Variants in DFFB observed in about 807,000 individuals in gnomAD.
DFFB encodes the protein DNA fragmentation factor subunit beta, also known as DNA fragmentation factor 40 kDa subunit.
Under a neutral mutation model 32.7 loss-of-function variants are expected in DFFB, and 29 were observed. The observed-to-expected ratio is 0.89, with a 90% CI of 0.66 to 1.21. The LOEUF is 1.21. Among genes scored for constraint, DFFB ranks in the 50% most tolerant of loss-of-function variants. The pLI, the probability that DFFB is intolerant of heterozygous loss-of-function variation, is 0.00. For synonymous variants in DFFB, 170 were observed against 177.1 expected (o/e 0.96, Z 0.32); for missense variants, 398 against 440.6 (o/e 0.90, Z 0.87).
At chr1:3,880,807 G>A (rs761837073) in intron 6 of DFFB, among the ~76,000 whole-genome samples, 24 of 152,126 alleles carry the variant, frequency 1.6e-4, no homozygotes, top group African/African-American at 5.5e-4. Context: ...TCTGTGCTCC[G>A]GTGTGTCACG....
intron 5 of DFFB, among the ~76,000 whole-genome samples, chr1:3,871,883 G>T (rs1390726342): frequency 6.6e-6 from 1 of 152,172 alleles, no homozygotes. Flanking sequence ...CGTGCGGGGA[G>T]CAGGAACGAG....
intron 5 of DFFB, among the ~76,000 whole-genome samples, chr1:3,870,238 G>A (rs997356527): frequency 4.6e-5 from 7 of 152,196 alleles, no homozygotes; most frequent in African/African-American, 1.7e-4. Flanking sequence ...GGCGAGTCCT[G>A]GGCACACCCC....
intron 3 of DFFB, chr1:3,867,727 C>A: frequency 2.1e-6 from 1 of 480,468 alleles, no homozygotes; most frequent in Non-Finnish European, 3.8e-6. Flanking sequence ...GTAGTGCGTC[C>A]CTGTAGTCTT....
intron 6 of DFFB, among the ~76,000 whole-genome samples, chr1:3,882,319 G>A (rs1175828415): frequency 3.3e-5 from 5 of 151,906 alleles, no homozygotes; most frequent in Admixed American, 3.3e-4. Context: ...CTCTCAAAGT[G>A]TTAGAATTAC....
chr1:3,870,461 T>C (rs997325191), intron 5 of DFFB, among the ~76,000 whole-genome samples: 4 of 152,192 alleles, frequency 2.6e-5, no homozygotes, highest in African/African-American at 9.6e-5. Flanking sequence ...CCTTCTGGGG[T>C]GATGGGCTCT....
chr1:3,867,272 A>G (rs1645003451), intron 3 of DFFB, among the ~76,000 whole-genome samples: 1 of 152,186 alleles, frequency 6.6e-6, no homozygotes, highest in Non-Finnish European at 1.5e-5. Flanking sequence ...CACTGCGTGT[A>G]CATACCCCAC....
At chr1:3,883,450 C>G in intron 6 of DFFB, 57 bp from the exon 7 acceptor site, 1 of 1,502,986 alleles carries the variant, frequency 6.7e-7, no homozygotes, top group Non-Finnish European at 9.2e-7. Context: ...ACTGCTATGA[C>G]CTGTTGCCTG....
In DFFB at chr1:3,883,916, G is replaced by T. The variant is rs7555538; in HGVS notation, c.*175G>T. On this transcript the variant is annotated 3_prime_UTR_variant, in exon 7 of 7. Transcript: ENST00000378209. Reference sequence around the variant, plus strand: ...TTCATTACATTTCTGAATTGTTGGGGTTTTTTTTGTTGTTTTGTTTTGTTT... The same window carrying T: ...TTCATTACATTTCTGAATTGTTGGGTTTTTTTTTGTTGTTTTGTTTTGTTT... The T allele has an allele frequency of 0.41, 246,429 of 603,426 alleles. 51,303 individuals carry two copies. The highest frequency in any genetic ancestry group is 0.44 in the Non-Finnish European group (153,027 of 344,146). The allele number at this position is 603,426 out of a possible 1,614,324, so 37.4% of individuals were successfully genotyped here.
At chr1:3,873,027 C>A (rs931175637) in intron 6 of DFFB, 3 of 1,253,140 alleles carry the variant, frequency 2.4e-6, no homozygotes, top group African/African-American at 3.1e-5. Context: ...TGGAGTCTTG[C>A]TCTGTGGCCC....
intron 6 of DFFB, among the ~76,000 whole-genome samples, chr1:3,878,655 G>A (rs1645273779): frequency 6.6e-6 from 1 of 152,162 alleles, no homozygotes; most frequent in African/African-American, 2.4e-5. Context: ...TGTCCCTAAT[G>A]TTAGTGATAC....
intron 1 of DFFB, among the ~76,000 whole-genome samples, chr1:3,857,958 G>C (rs1005499481): frequency 1.5e-4 from 23 of 152,216 alleles, no homozygotes; most frequent in Non-Finnish European, 2.4e-4. Flanking sequence ...CTCTCGGGCA[G>C]GACAGCCCTG....
At chr1:3,859,005 C>G in intron 2 of DFFB, 161 bp downstream of exon 2, 2 of 1,028,308 alleles carry the variant, frequency 1.9e-6, no homozygotes, top group Admixed American at 3.0e-5. Context: ...GTCAGCGTCG[C>G]TTAGGTGGCA....
rs1325413692 is a variant in DFFB at position 3,865,190 on chromosome 1, C to T, written c.242-622C>T. Among the ~76,000 whole-genome samples the T allele has an allele frequency of 6.6e-6, 1 of 152,114 alleles. No individual in the cohort carries two copies. Among genetic ancestry groups the T allele is most frequent in the African/African-American group, 2.4e-5 (1 of 41,410 alleles). On this transcript the variant is annotated intron_variant, in intron 2 of 6. Coordinates refer to ENST00000378209, the MANE Select transcript of DFFB (RefSeq NM_004402.4). The surrounding 1 kb of genome is among the most constrained non-coding windows in gnomAD (Gnocchi z 4.7). Reference sequence around the variant, plus strand: ...AGGACTTCCACCAAGTCCTCACTCCCCAGCATGTCCTCCTGTCTTCTTCTG... The same window carrying T: ...AGGACTTCCACCAAGTCCTCACTCCTCAGCATGTCCTCCTGTCTTCTTCTG...
intron 2 of DFFB, among the ~76,000 whole-genome samples, chr1:3,862,406 G>A (rs1013200147): frequency 8.6e-5 from 13 of 151,196 alleles, no homozygotes; most frequent in African/African-American, 3.1e-4. Flanking sequence ...ACCCAGAATA[G>A]CCAAAACGAC....
At chr1:3,860,361 G>A in intron 2 of DFFB, 1 of 354,752 alleles carries the variant, frequency 2.8e-6, no homozygotes, top group South Asian at 2.1e-5. Flanking sequence ...CAAGTATCTG[G>A]GACCACAGGC....
At chr1:3,883,464 C>T in intron 6 of DFFB, 43 bp from the exon 7 acceptor site, 2 of 1,558,184 alleles carry the variant, frequency 1.3e-6, no homozygotes, top group Non-Finnish European at 1.8e-6. Context: ...TTGCCTGTGG[C>T]ACTGTGACCA....
chr1:3,873,059 A>G (rs1570928882), intron 6 of DFFB: 1 of 1,115,710 alleles, frequency 9.0e-7, no homozygotes, highest in South Asian at 1.4e-5. Flanking sequence ...CAGTGGCAGG[A>G]TCATGGCTCA....
In DFFB at chr1:3,868,074, G is replaced by A. The variant is rs766278184; in HGVS notation, c.510+21G>A. The A allele has an allele frequency of 7.4e-6, 12 of 1,612,244 alleles. No homozygotes were observed. In the South Asian group the frequency reaches 1.3e-4, roughly 18 times the overall value. On this transcript the variant is annotated intron_variant, in intron 4 of 6. Transcript: ENST00000378209. ...GGGAGGTGAGCCTGAGTGAAGACCG[G>A]GTATGCTGGGCGGGTTTTTGAAGCC...
chr1:3,866,212 G>A lies in DFFB; in HGVS notation c.430+212G>A. Reference sequence around the variant, plus strand: ...GGACTCAGGTGGGGCCAGAGTCCAGGGCAGCCCTCGGATGGGACTTTTTAT... The same window carrying A: ...GGACTCAGGTGGGGCCAGAGTCCAGAGCAGCCCTCGGATGGGACTTTTTAT... On this transcript the variant is annotated intron_variant, in intron 3 of 6. Coordinates refer to ENST00000378209, the MANE Select transcript of DFFB (RefSeq NM_004402.4). The A allele has an allele frequency of 7.3e-6, 5 of 688,788 alleles. No homozygotes were observed. The South Asian group carries it at 7.6e-5, about 10-fold the overall frequency. 42.7% of individuals were successfully genotyped at this position (688,788 alleles called of 1,614,324 possible).
Sources: gnomAD v4.1 joint callset for allele counts (sites outside exome capture counted in the v4.1 genomes callset) on GRCh38, gnomAD v4.1.1 for gene constraint, Gnocchi (gnomAD v3.1) non-coding constraint, MANE v1.5 for transcripts, NCBI Gene and HGNC (gene_info 2026-07-23, HGNC 2026-07-21) for gene names.